The following PLD5 variants were observed in gnomAD, a reference collection of about 807,000 sequenced individuals.
PLD5 encodes phospholipase D family member 5.
PLD5 carries 36 observed loss-of-function variants against 61.1 expected under a neutral mutation model. The observed-to-expected ratio is 0.59, with a 90% CI of 0.45 to 0.78. The LOEUF (loss-of-function observed/expected upper bound fraction) is 0.78. PLD5 is among the 30% of genes least tolerant of loss of function. PLD5 has a pLI of 0.00. For missense variants in PLD5, 515 were observed against 644.4 expected, an observed-to-expected ratio of 0.80 and a Z score of 2.17; for synonymous variants, 243 against 242.8, an observed-to-expected ratio of 1.00 and a Z score of -0.01.
intron 7 of PLD5, among the ~76,000 whole-genome samples, chr1:242,111,566 T>A (rs1661506949): frequency 6.6e-6 from 1 of 152,188 alleles, no homozygotes; most frequent in South Asian, 2.1e-4. Context: ...AGACTAAAAG[T>A]TAAGTCTGAA....
intron 1 of PLD5, among the ~76,000 whole-genome samples, chr1:242,384,824 C>T (rs1238182649): frequency 6.6e-6 from 1 of 152,182 alleles, no homozygotes; most frequent in Admixed American, 6.5e-5. Flanking sequence ...AGTACTCTCT[C>T]TCTGGAAATC....
intron 1 of PLD5, among the ~76,000 whole-genome samples, chr1:242,393,686 ATATATATGAGTATATATGTGTG>A (rs1379623858): frequency 0.02 from 1,830 of 90,808 alleles, 74 homozygotes; most frequent in African/African-American, 0.036. Flanking sequence ...ATATATGTGT[ATATATATGAGTATATATGTGTG>A]TATATATGAG....
intron 2 of PLD5, among the ~76,000 whole-genome samples, chr1:242,293,077 A>G (rs1675460112): frequency 6.6e-6 from 1 of 152,228 alleles, no homozygotes; most frequent in African/African-American, 2.4e-5. Context: ...ACATTCTTAT[A>G]AGATTTTATT....
At chr1:242,212,374 A>G (rs565770675) in intron 5 of PLD5, among the ~76,000 whole-genome samples, 1 of 152,332 alleles carries the variant, frequency 6.6e-6, no homozygotes, top group South Asian at 2.1e-4. Context: ...ACGCTTATTT[A>G]AAAATACGAA....
intron 4 of PLD5, among the ~76,000 whole-genome samples, chr1:242,253,355 C>T (rs1355434015): frequency 7.0e-6 from 1 of 143,808 alleles, no homozygotes; most frequent in Non-Finnish European, 1.5e-5. Context: ...CTCTGTCGCC[C>T]AGGCTGGAGT....
intron 9 of PLD5, among the ~76,000 whole-genome samples, chr1:242,096,214 T>C (rs1660211995): frequency 6.6e-6 from 1 of 152,180 alleles, no homozygotes; most frequent in African/African-American, 2.4e-5. Context: ...TGCCTTGGCC[T>C]CCCAAAGTGC....
chr1:242,494,340 G>A lies in PLD5; in HGVS notation c.189+29748C>T, dbSNP rs1035330850. ...CCATTTAAATGCTCCACAGAGCTAC[G>A]TGAACTGCCTGCCACATGCAGGTCT... On this transcript the variant is annotated intron_variant, in intron 1 of 9. Coordinates refer to ENST00000536534, the MANE Select transcript of PLD5 (RefSeq NM_001372062.1). 5.3e-5 allele frequency among the ~76,000 whole-genome samples: 8 copies of A among 152,112 alleles called. 1 individual carries two copies. Among genetic ancestry groups the A allele is most frequent in the Admixed American group, 2.6e-4 (4 of 15,262 alleles).
chr1:242,262,297 G>C (rs530646013), intron 4 of PLD5, among the ~76,000 whole-genome samples: 1 of 152,154 alleles, frequency 6.6e-6, no homozygotes, highest in Non-Finnish European at 1.5e-5. Context: ...TTCCCTCTGC[G>C]GAGGGCACTG....
At chr1:242,188,009 T>C (rs969282926) in intron 5 of PLD5, among the ~76,000 whole-genome samples, 5 of 152,004 alleles carry the variant, frequency 3.3e-5, no homozygotes, top group African/African-American at 1.2e-4. Flanking sequence ...CCTGAATGTG[T>C]GTGTGGAGTT....
intron 5 of PLD5, among the ~76,000 whole-genome samples, chr1:242,167,820 A>G (rs1018610251): frequency 2.0e-5 from 3 of 152,238 alleles, no homozygotes; most frequent in Non-Finnish European, 4.4e-5. Context: ...CAGATGTAAA[A>G]ACAAAATAAT....
At chr1:242,261,467 G>T (rs1291218237) in intron 4 of PLD5, among the ~76,000 whole-genome samples, 1 of 152,062 alleles carries the variant, frequency 6.6e-6, no homozygotes, top group African/African-American at 2.4e-5. Context: ...ACAGGATGCA[G>T]TAAGCATCAA....
the PLD5 span, among the ~76,000 whole-genome samples, chr1:242,529,716 A>G: frequency 6.6e-6 from 1 of 151,972 alleles, no homozygotes; most frequent in South Asian, 2.1e-4. Context: ...GTGGGTTTAT[A>G]CTGTGAGGTC....
chr1:242,380,112 T>G (rs1361130124), intron 1 of PLD5, among the ~76,000 whole-genome samples: 1 of 152,182 alleles, frequency 6.6e-6, no homozygotes, highest in Non-Finnish European at 1.5e-5. Flanking sequence ...TGGGATGACA[T>G]TTCTAGGCAA....
At chr1:242,141,761 T>C (rs2800767) in intron 5 of PLD5, among the ~76,000 whole-genome samples, 91,086 of 151,916 alleles carry the variant, frequency 0.6, 28,075 homozygotes, top group African/African-American at 0.74. Context: ...GGGAAAGCTA[T>C]GACTGAGCAA....
chr1:242,508,654 A>T (rs1668806732), intron 1 of PLD5, among the ~76,000 whole-genome samples: 1 of 152,240 alleles, frequency 6.6e-6, no homozygotes, highest in African/African-American at 2.4e-5. Flanking sequence ...TTGCCTGGAC[A>T]TATCAACTTC....
Position 242,399,025 on chromosome 1 carries a change from AG to A in PLD5, c.190-50784del, listed in dbSNP as rs1663767713. Among the ~76,000 whole-genome samples the A allele has an allele frequency of 2.6e-5, 4 of 152,222 alleles. No individual in the cohort carries two copies. In the South Asian group the frequency reaches 8.3e-4, roughly 32 times the overall value. ...GGGAAGCTGTAAAAAGGGCCACATG[AG>A]TTGAACAAGAAGTGAAGTGACCGCA... On this transcript the variant is annotated intron_variant, in intron 1 of 9. Coordinates refer to ENST00000536534, the MANE Select transcript of PLD5 (RefSeq NM_001372062.1).
At position 242,204,699 on chromosome 1, in the gene PLD5, C is replaced by A. The variant is rs1208430388; in HGVS notation, c.735+15289G>T. 6.6e-5 allele frequency among the ~76,000 whole-genome samples: 10 copies of A among 152,224 alleles called. No individual in the cohort carries two copies. The South Asian group carries it at 2.1e-3, about 32-fold the overall frequency. Reference sequence around the variant, plus strand: ...TCTGTTTTAGCCTCCCATTTGGCCCCCCTAACAATTGCAGGGGGTCGGTAT... The same window carrying A: ...TCTGTTTTAGCCTCCCATTTGGCCCACCTAACAATTGCAGGGGGTCGGTAT... On this transcript the variant is annotated intron_variant, in intron 5 of 9. Coordinates refer to ENST00000536534, the MANE Select transcript of PLD5 (RefSeq NM_001372062.1).
chr1:242,131,313 C>A (rs1409857466), intron 5 of PLD5, among the ~76,000 whole-genome samples: 2 of 151,968 alleles, frequency 1.3e-5, no homozygotes, highest in Admixed American at 1.3e-4. Flanking sequence ...TCAAAAAAAA[C>A]AACAGCAAAA....
chr1:242,158,869 C>T (rs1665604369), intron 5 of PLD5, among the ~76,000 whole-genome samples: 1 of 152,208 alleles, frequency 6.6e-6, no homozygotes, highest in African/African-American at 2.4e-5. Flanking sequence ...GCCCACTCTA[C>T]TGACGAACCT....
Sources: allele counts gnomAD v4.1 joint callset (sites outside exome capture counted in the v4.1 genomes callset), GRCh38; gene constraint gnomAD v4.1.1; transcripts MANE v1.5; gene names NCBI Gene and HGNC (gene_info 2026-07-23, HGNC 2026-07-21).